RORA: variants seen among roughly 807,000 people sequenced by gnomAD.
RORA encodes RAR related orphan receptor A, also known as nuclear receptor ROR-alpha.
A neutral mutation model predicts 69.5 loss-of-function variants in RORA; 7 were observed. The ratio of observed to expected loss-of-function variants is 0.10; its 90% CI spans 0.06 to 0.19. The LOEUF (loss-of-function observed/expected upper bound fraction) is 0.19. Among genes scored for constraint, RORA ranks in the 10% least tolerant of loss-of-function variants. RORA has a pLI of 1.00. For missense variants in RORA, 457 were observed against 663.0 expected, an observed-to-expected ratio of 0.69 and a Z score of 3.41; for synonymous variants, 261 against 240.8, an observed-to-expected ratio of 1.08 and a Z score of -0.78.
Position 60,497,631 on chromosome 15 carries a change from A to G in RORA, c.1408-12T>C. 1.2e-6 allele frequency: 2 copies of G among 1,605,906 alleles called. No individual in the cohort carries two copies. The highest frequency in any genetic ancestry group is 1.7e-6 in the Non-Finnish European group (2 of 1,172,556). On this transcript the variant is annotated splice_polypyrimidine_tract_variant and intron_variant, in intron 10 of 10. Transcript: ENST00000335670. Reference sequence around the variant, plus strand: ...ACCTTGCATATTAACTGTAAGTGAAAGAAAGGACACACCGTCAGGCAAGAA... The same window carrying G: ...ACCTTGCATATTAACTGTAAGTGAAGGAAAGGACACACCGTCAGGCAAGAA...
chr15:60,863,362 G>A (rs956317948), intron 1 of RORA, among the ~76,000 whole-genome samples: 16 of 152,102 alleles, frequency 1.1e-4, no homozygotes, highest in Admixed American at 4.6e-4. Flanking sequence ...ATTCATTCCC[G>A]AAGACATAGT....
chr15:60,801,178 A>T (rs1186595846), intron 1 of RORA, among the ~76,000 whole-genome samples: 1 of 152,156 alleles, frequency 6.6e-6, no homozygotes, highest in Non-Finnish European at 1.5e-5. Context: ...TCACCTCACC[A>T]CTAGGTAAAA....
intron 2 of RORA, among the ~76,000 whole-genome samples, chr15:60,676,561 A>C (rs1003811501): frequency 1.3e-5 from 2 of 152,222 alleles, no homozygotes; most frequent in African/African-American, 4.8e-5. Context: ...GTCTTTCTAC[A>C]TTGACTTCAA....
chr15:60,937,060 G>C (rs1892545573), intron 1 of RORA, among the ~76,000 whole-genome samples: 1 of 151,980 alleles, frequency 6.6e-6, no homozygotes, highest in South Asian at 2.1e-4. Context: ...GCTCTATGTT[G>C]GATTATCTCA....
At chr15:60,724,241 G>T (rs184619236) in intron 1 of RORA, among the ~76,000 whole-genome samples, 12 of 152,272 alleles carry the variant, frequency 7.9e-5, no homozygotes. Flanking sequence ...AACAAGGATG[G>T]TAATTCTTAT....
chr15:60,913,817 T>A (rs1006949209), intron 1 of RORA, among the ~76,000 whole-genome samples: 1 of 152,214 alleles, frequency 6.6e-6, no homozygotes, highest in African/African-American at 2.4e-5. Flanking sequence ...ACAAAAAATA[T>A]TTATGCCCTT....
At chr15:61,087,634 G>T in intron 1 of RORA, among the ~76,000 whole-genome samples, 1 of 152,206 alleles carries the variant, frequency 6.6e-6, no homozygotes, top group East Asian at 1.9e-4. Flanking sequence ...GTCTTGAGAA[G>T]CCATAAGTCT....
At chr15:61,123,143 C>T (rs769864806) in intron 1 of RORA, among the ~76,000 whole-genome samples, 4 of 152,050 alleles carry the variant, frequency 2.6e-5, no homozygotes, top group Non-Finnish European at 5.9e-5. Context: ...TTAATCGACT[C>T]ATGATGAAGC....
chr15:60,782,450 G>C (rs2140339928), intron 1 of RORA, among the ~76,000 whole-genome samples: 1 of 152,290 alleles, frequency 6.6e-6, no homozygotes, highest in Non-Finnish European at 1.5e-5. Context: ...AATAAGGACA[G>C]CAGAATAAAC....
intron 1 of RORA, among the ~76,000 whole-genome samples, chr15:61,075,086 C>CAAA (rs879724406): frequency 8.9e-6 from 1 of 112,034 alleles, no homozygotes; most frequent in African/African-American, 3.4e-5. Context: ...GACTCTATCT[C>CAAA]AAAAAAAAAA....
chr15:60,683,399 A>C (rs915189923), intron 1 of RORA, among the ~76,000 whole-genome samples: 5 of 152,162 alleles, frequency 3.3e-5, no homozygotes, highest in Admixed American at 2.0e-4. Context: ...CATCTTTCCA[A>C]GCAACAGGCT....
At chr15:61,165,209 C>A (rs768953598) in intron 1 of RORA, among the ~76,000 whole-genome samples, 1 of 152,224 alleles carries the variant, frequency 6.6e-6, no homozygotes, top group South Asian at 2.1e-4. Flanking sequence ...AACACCACAC[C>A]AGGCATCTGG....
chr15:60,598,317 A>T (rs970740177), intron 2 of RORA: 1 of 152,162 alleles, frequency 6.6e-6, no homozygotes, highest in Non-Finnish European at 1.5e-5. Context: ...TGTGTGTGTC[A>T]TGTATATAAA....
At chr15:61,200,711 G>C (rs1424963596) in intron 1 of RORA, among the ~76,000 whole-genome samples, 1 of 152,144 alleles carries the variant, frequency 6.6e-6, no homozygotes, top group Non-Finnish European at 1.5e-5. Flanking sequence ...GCCGTGATTT[G>C]CATCAAGTTC....
rs112574719 is a variant in RORA, at chr15:61,120,488, A to T, written c.166+108565T>A. Among the ~76,000 whole-genome samples, 492 of 152,114 alleles carry T rather than the reference A, an allele frequency of 3.2e-3. 2 individuals carry two copies. Among genetic ancestry groups the T allele is most frequent in the African/African-American group, 0.011 (457 of 41,524 alleles). On this transcript the variant is annotated intron_variant, in intron 1 of 10. Coordinates refer to ENST00000335670, the MANE Select transcript of RORA (RefSeq NM_134261.3). ...GCCGAGGCGGGCGGATCACAACTTC[A>T]GGAGATCGAGACCACCCTGGCTAAC...
intron 2 of RORA, among the ~76,000 whole-genome samples, chr15:60,659,381 G>T (rs542684850): frequency 6.6e-6 from 1 of 152,162 alleles, no homozygotes; most frequent in East Asian, 1.9e-4. Flanking sequence ...TCTAACATGG[G>T]AGGTGAAGTT....
At chr15:61,156,828 A>G (rs377304029) in intron 1 of RORA, among the ~76,000 whole-genome samples, 3 of 152,126 alleles carry the variant, frequency 2.0e-5, no homozygotes, top group African/African-American at 7.2e-5. Context: ...CATATCAAGG[A>G]TTTGCTTTTT....
intron 1 of RORA, among the ~76,000 whole-genome samples, chr15:60,917,312 C>A (rs1337598074): frequency 6.6e-6 from 1 of 152,122 alleles, no homozygotes; most frequent in Non-Finnish European, 1.5e-5. Flanking sequence ...TATGTAATAG[C>A]TTTGTTTGTT....
chr15:60,799,761 C>G (rs1343758911), intron 1 of RORA, among the ~76,000 whole-genome samples: 1 of 152,002 alleles, frequency 6.6e-6, no homozygotes, highest in Non-Finnish European at 1.5e-5. Flanking sequence ...CACCCATGTC[C>G]CAGAGACTGC....
Sources: allele counts gnomAD v4.1 joint callset (sites outside exome capture counted in the v4.1 genomes callset), GRCh38; gene constraint gnomAD v4.1.1; transcripts MANE v1.5; gene names NCBI Gene and HGNC (gene_info 2026-07-23, HGNC 2026-07-21).